Variants in TARBP1 observed in about 807,000 individuals in gnomAD.
The protein encoded by TARBP1 is tRNA (guanosine(18)-2'-O)-methyltransferase TARBP1.
TARBP1 carries 144 observed loss-of-function variants against 178.6 expected under a neutral mutation model. The observed-to-expected ratio is 0.81, with a 90% CI of 0.70 to 0.93. TARBP1 has a LOEUF of 0.93. Among genes scored for constraint, TARBP1 ranks in the 40% least tolerant of loss-of-function variants. The probability of loss-of-function intolerance (pLI) is 0.00; values close to 1 mark genes in which losing one functional copy is unlikely to be tolerated. For synonymous variants in TARBP1, 787 were observed against 781.0 expected (o/e 1.01, Z -0.13); for missense variants, 2,067 against 2,011.7 (o/e 1.03, Z -0.53).
chr1:234,398,701 C>A, intron 25 of TARBP1, 148 bp from the exon 26 acceptor site: 1 of 626,876 alleles, frequency 1.6e-6, no homozygotes, highest in Non-Finnish European at 2.4e-6. Context: ...TATCTTATAG[C>A]AACTGTCTAT....
intron 26 of TARBP1, 91 bp downstream of exon 26, chr1:234,398,288 ATAT>A: frequency 9.5e-7 from 1 of 1,053,158 alleles, no homozygotes; most frequent in Non-Finnish European, 1.3e-6. Context: ...AATGAAAGTG[ATAT>A]TATTATTAAC....
rs1220677107 is a variant in TARBP1, at chr1:234,464,000, GCCTAAATGGA to G, written c.1302-76_1302-67del. On this transcript the variant is annotated intron_variant, in intron 5 of 29. Transcript: ENST00000040877. ...TTTACAAGTGATTACACTAAAACTA[GCCTAAATGGA>G]CCATGGCCCAAAAGTCTTTCAACAA... 1.9e-5 allele frequency: 19 copies of G among 1,005,196 alleles called. No homozygotes were observed. The Middle Eastern group carries it at 1.5e-3, about 81-fold the overall frequency. The allele number at this position is 1,005,196 out of a possible 1,614,324, so 62.3% of individuals were successfully genotyped here.
At chr1:234,399,017 C>T (rs12078194) in intron 25 of TARBP1, among the ~76,000 whole-genome samples, 39,569 of 152,092 alleles carry the variant, frequency 0.26, 5,323 homozygotes, top group Non-Finnish European at 0.27. Flanking sequence ...AGTTATGTGA[C>T]GTTAGGCAAG....
At chr1:234,447,358 A>G (rs1666287827) in intron 11 of TARBP1, among the ~76,000 whole-genome samples, 1 of 151,424 alleles carries the variant, frequency 6.6e-6, no homozygotes, top group African/African-American at 2.4e-5. Flanking sequence ...AAAAAAAAAA[A>G]AAAAACCTAA....
intron 20 of TARBP1, among the ~76,000 whole-genome samples, chr1:234,424,942 T>C (rs961536240): frequency 2.9e-4 from 44 of 151,992 alleles, no homozygotes; most frequent in African/African-American, 1.0e-3. Flanking sequence ...ATGTCTGTAG[T>C]CCCAGCTACT....
At chr1:234,477,184 A>C (rs916573832) in intron 1 of TARBP1, among the ~76,000 whole-genome samples, 6 of 116,166 alleles carry the variant, frequency 5.2e-5, no homozygotes, top group African/African-American at 1.3e-4. Flanking sequence ...AAACTCCATA[A>C]AACAAACAAA....
intron 22 of TARBP1, among the ~76,000 whole-genome samples, chr1:234,414,297 G>A (rs1662176896): frequency 6.6e-6 from 1 of 152,108 alleles, no homozygotes; most frequent in East Asian, 1.9e-4. Flanking sequence ...TAGAGTCAGG[G>A]GAAGATGTGT....
Position 234,478,670 on chromosome 1 carries a change from G to C in TARBP1, c.434C>G (p.Ala145Gly). 7 of 1,250,396 alleles carry C rather than the reference G, an allele frequency of 5.6e-6. No homozygotes were observed. Among genetic ancestry groups the C allele is most frequent in the Non-Finnish European group, 7.0e-6 (7 of 996,810 alleles). 77.5% of individuals were successfully genotyped at this position (1,250,396 alleles called of 1,614,324 possible). A position where few individuals can be genotyped will look rare whatever the true frequency, so the allele number is the denominator to read the frequency against. ...PGAEAAVEVL[A>G]AVGPCLRPRE... Reference sequence around the variant, plus strand: ...GGGCCGCAAACATGGCCCGACGGCTGCTAGCACTTCCACGGCAGCCTCGGC... The same window carrying C: ...GGGCCGCAAACATGGCCCGACGGCTCCTAGCACTTCCACGGCAGCCTCGGC... Residue 145 changes from alanine to glycine, a missense_variant, in exon 1 of 30, where the codon GCA becomes GGA. Ala to Gly is a moderately conservative substitution (Grantham distance 60). Coordinates refer to ENST00000040877, the MANE Select transcript of TARBP1 (RefSeq NM_005646.4).
chr1:234,453,902 C>T (rs1667034470), intron 9 of TARBP1, among the ~76,000 whole-genome samples: 2 of 152,104 alleles, frequency 1.3e-5, no homozygotes, highest in African/African-American at 4.8e-5. Flanking sequence ...ACATAGTTCT[C>T]AACAAATGAC....
At chr1:234,440,659 C>A (rs13374387) in intron 12 of TARBP1, among the ~76,000 whole-genome samples, 20,078 of 152,154 alleles carry the variant, frequency 0.13, 1,458 homozygotes, top group Middle Eastern at 0.26. Flanking sequence ...TCAAACAAAC[C>A]AACTCCTAGA....
Position 234,478,195 on chromosome 1 carries a change from G to A in TARBP1, c.909C>T (p.Thr303=). 5 of 1,611,864 alleles carry A rather than the reference G, an allele frequency of 3.1e-6. No homozygotes were observed. The highest frequency in any genetic ancestry group is 3.4e-6 in the Non-Finnish European group (4 of 1,179,564). Residue 303 remains threonine, a synonymous_variant, in exon 1 of 30, where the codon ACC becomes ACT. Transcript: ENST00000040877. The part of the protein sequence containing the change: ...EVSAELGADC[T]CGPQEGNGPS... Reference sequence around the variant, plus strand: ...TACCGTTTCCTTCCTGGGGCCCGCAGGTGCAGTCGGCCCCCAGCTCCGCCG... The same window carrying A: ...TACCGTTTCCTTCCTGGGGCCCGCAAGTGCAGTCGGCCCCCAGCTCCGCCG...
intron 24 of TARBP1, among the ~76,000 whole-genome samples, chr1:234,403,828 C>T (rs558545561): frequency 1.2e-4 from 19 of 152,208 alleles, no homozygotes; most frequent in South Asian, 2.1e-4. Flanking sequence ...AGATTACAGG[C>T]GCCTGCCACC....
At position 234,461,579 on chromosome 1, in the gene TARBP1, C is replaced by T. The variant is rs112461373; in HGVS notation, c.1400-1183G>A. 3.4e-3 allele frequency among the ~76,000 whole-genome samples: 512 copies of T among 152,024 alleles called. 4 individuals carry two copies. The highest frequency in any genetic ancestry group is 0.012 in the African/African-American group (496 of 41,454). On this transcript the variant is annotated intron_variant, in intron 6 of 29. Coordinates refer to ENST00000040877, the MANE Select transcript of TARBP1 (RefSeq NM_005646.4). The stretch of plus-strand genomic sequence containing the variant: ...ACCTCAGCCTCCCAAAGTGCTGAGA[C>T]TACAGGCGTCAGCCACCACACCCGG...
chr1:234,469,077 T>TAATAAAAAA (rs1668783357), intron 3 of TARBP1, among the ~76,000 whole-genome samples: 1 of 63,764 alleles, frequency 1.6e-5, no homozygotes, highest in Admixed American at 2.0e-4. Context: ...TTTTTTTTTT[T>TAATAAAAAA]AAAAAAAAAA....
intron 1 of TARBP1, among the ~76,000 whole-genome samples, chr1:234,474,274 AC>A (rs71170487): frequency 0.25 from 36,015 of 146,262 alleles, 4,598 homozygotes; most frequent in Middle Eastern, 0.34. Flanking sequence ...ACACACACAC[AC>A]ACACACACAC....
Position 234,418,080 on chromosome 1 carries a change from T to C in TARBP1, c.3705+4A>G. ...AAAATATATAAAAAATATTCTTTAC[T>C]TACATAAGAAAAACAATCCCAGAAC... is the stretch of plus-strand genomic sequence containing the variant. On this transcript the variant is annotated splice_donor_region_variant and intron_variant, in intron 22 of 29. Transcript: ENST00000040877. 1 of 1,292,462 alleles carries C rather than the reference T, an allele frequency of 7.7e-7. No homozygotes were observed. The highest frequency in any genetic ancestry group is 2.9e-5 in the East Asian group (1 of 34,918). The allele number at this position is 1,292,462 out of a possible 1,614,324, so 80.1% of individuals were successfully genotyped here.
chr1:234,405,212 T>G (rs1212026876), intron 24 of TARBP1: 1 of 151,800 alleles, frequency 6.6e-6, no homozygotes, highest in Non-Finnish European at 1.5e-5. Context: ...TCTCTAAAAT[T>G]TAAAAAAAAA....
intron 17 of TARBP1, among the ~76,000 whole-genome samples, 195 bp from the exon 18 acceptor site, chr1:234,427,961 A>C (rs1376778987): frequency 6.6e-6 from 1 of 152,206 alleles, no homozygotes; most frequent in African/African-American, 2.4e-5. Flanking sequence ...AAAATAAATA[A>C]AATTTTACTG....
rs543930869 is a variant in TARBP1 at position 234,407,341 on chromosome 1, C to CTTTTTTTTTTTTTTTT, written c.3793-1243_3793-1242insAAAAAAAAAAAAAAAA. ...TTACAAGAGATTTGTCTTGTCCATCCTTTTTTTTTTTTTTGAGATGGAGTC... is the reference window on the plus strand; with the variant it reads ...TTACAAGAGATTTGTCTTGTCCATCCTTTTTTTTTTTTTTTTTTTTTTTTTTTTTTGAGATGGAGTC... On this transcript the variant is annotated intron_variant, in intron 23 of 29. Coordinates refer to ENST00000040877, the MANE Select transcript of TARBP1 (RefSeq NM_005646.4). The CTTTTTTTTTTTTTTTT allele has an allele frequency of 4.0e-3, 551 of 136,880 alleles. 11 individuals are homozygous for CTTTTTTTTTTTTTTTT. Among genetic ancestry groups the CTTTTTTTTTTTTTTTT allele is most frequent in the African/African-American group, 0.015 (531 of 36,452 alleles). 8.5% of individuals were successfully genotyped at this position (136,880 alleles called of 1,614,324 possible).
Sources: allele counts gnomAD v4.1 joint callset (sites outside exome capture counted in the v4.1 genomes callset), GRCh38; gene constraint gnomAD v4.1.1; transcripts MANE v1.5; gene names NCBI Gene and HGNC (gene_info 2026-07-23, HGNC 2026-07-21).